TPD52: variants seen among roughly 807,000 people sequenced by gnomAD.
TPD52 encodes the protein tumor protein D52.
Under a neutral mutation model 31.3 loss-of-function variants are expected in TPD52, and 17 were observed. That is an observed-to-expected ratio of 0.54 (90% CI 0.37 to 0.82). The LOEUF (loss-of-function observed/expected upper bound fraction) is 0.82. Among genes scored for constraint, TPD52 ranks in the 40% least tolerant of loss-of-function variants. TPD52 has a pLI of 0.00. For synonymous variants in TPD52, 83 were observed against 89.6 expected (o/e 0.93, Z 0.42); for missense variants, 212 against 240.1 (o/e 0.88, Z 0.77).
At chr8:80,106,945 G>A (rs1309049818) in intron 1 of TPD52, among the ~76,000 whole-genome samples, 4 of 150,688 alleles carry the variant, frequency 2.7e-5, no homozygotes, top group Admixed American at 6.6e-5. Flanking sequence ...TCTGCCTCCC[G>A]GGTTCACACC....
At chr8:80,039,810 T>C (rs1326267169) in intron 7 of TPD52, among the ~76,000 whole-genome samples, 1 of 152,198 alleles carries the variant, frequency 6.6e-6, no homozygotes, top group Non-Finnish European at 1.5e-5. Flanking sequence ...TGGACATTAC[T>C]GAGTCCTCTA....
At chr8:80,167,423 A>G (rs1419801373) in intron 1 of TPD52, among the ~76,000 whole-genome samples, 2 of 152,190 alleles carry the variant, frequency 1.3e-5, no homozygotes, top group African/African-American at 2.4e-5. Flanking sequence ...AATCTTGCTA[A>G]AAGATCACAA....
intron 1 of TPD52, among the ~76,000 whole-genome samples, chr8:80,156,894 T>G (rs975779142): frequency 7.0e-5 from 10 of 143,294 alleles, no homozygotes; most frequent in South Asian, 2.2e-4. Flanking sequence ...TGAAGAGGAG[T>G]GGGGTGGGGT....
chr8:80,104,547 A>C (rs1239374230), intron 1 of TPD52, among the ~76,000 whole-genome samples: 1 of 151,432 alleles, frequency 6.6e-6, no homozygotes, highest in Non-Finnish European at 1.5e-5. Context: ...GGAACAGAGC[A>C]AGACCCCATC....
chr8:80,088,186 TC>T lies in TPD52; in HGVS notation c.20-23594del, dbSNP rs1034837288. On this transcript the variant is annotated intron_variant, in intron 1 of 7. Coordinates refer to ENST00000518937, the MANE Select transcript of TPD52 (RefSeq NM_001025253.3). ...GAGCCGGGCAGTAAGGATAAGCCAG[TC>T]CCTCACATCTAATGGCCCTGGGGAT... Among the ~76,000 whole-genome samples the T allele has an allele frequency of 7.9e-5, 12 of 152,234 alleles. No homozygotes were observed. In the South Asian group the frequency reaches 1.7e-3, roughly 21 times the overall value.
chr8:80,170,588 C>T (rs187385008), intron 1 of TPD52, among the ~76,000 whole-genome samples: 118 of 152,312 alleles, frequency 7.7e-4, no homozygotes, highest in Non-Finnish European at 1.2e-3. Flanking sequence ...ATCCTCACTT[C>T]CCAAGATTAC....
intron 1 of TPD52, among the ~76,000 whole-genome samples, chr8:80,163,658 T>C (rs527534110): frequency 2.0e-4 from 30 of 152,340 alleles, no homozygotes; most frequent in African/African-American, 6.7e-4. Flanking sequence ...TTGACAGTTA[T>C]GTTTTCCAGA....
intron 1 of TPD52, among the ~76,000 whole-genome samples, chr8:80,110,789 T>C (rs1031514943): frequency 2.6e-5 from 4 of 152,128 alleles, no homozygotes; most frequent in African/African-American, 4.8e-5. Flanking sequence ...CTCTAATCAA[T>C]CAAAATTGGT....
rs77756924 is a variant in TPD52 at position 80,050,428 on chromosome 8, G to C, written c.413+17C>G. The C allele has an allele frequency of 0.021, 32,898 of 1,603,986 alleles. 393 individuals are homozygous for C. The highest frequency in any genetic ancestry group is 0.027 in the South Asian group (2,361 of 88,950). On this transcript the variant is annotated intron_variant, in intron 5 of 7. Transcript: ENST00000518937. ...ATACAACTGCTGGACTGCAGTGATG[G>C]TTCAAACTCTCCTTACCTAAAGGAA...
At chr8:80,140,443 A>C (rs546297174) in intron 1 of TPD52, among the ~76,000 whole-genome samples, 2 of 152,338 alleles carry the variant, frequency 1.3e-5, no homozygotes, top group East Asian at 3.9e-4. Context: ...TTTTCCAGGA[A>C]CATTAACTCT....
intron 1 of TPD52, among the ~76,000 whole-genome samples, chr8:80,100,944 C>T (rs1376536910): frequency 3.3e-5 from 5 of 152,180 alleles, no homozygotes; most frequent in African/African-American, 4.8e-5. Context: ...AAATATTTGA[C>T]CAAATGTCTG....
chr8:80,074,456 C>G (rs966088146), intron 1 of TPD52, among the ~76,000 whole-genome samples: 2 of 152,142 alleles, frequency 1.3e-5, no homozygotes, highest in Non-Finnish European at 2.9e-5. Flanking sequence ...TGGTTGTCTT[C>G]GGGAGACCCA....
chr8:80,127,433 A>C (rs575090271), intron 1 of TPD52: 1 of 152,348 alleles, frequency 6.6e-6, no homozygotes, highest in East Asian at 1.9e-4. Context: ...ATGACAAAAA[A>C]TTGACAGGAT....
chr8:80,055,003 T>A (rs1811727674), intron 2 of TPD52, among the ~76,000 whole-genome samples: 1 of 152,208 alleles, frequency 6.6e-6, no homozygotes, highest in African/African-American at 2.4e-5. Context: ...ACAAATAATG[T>A]AGGAACCAGA....
At chr8:80,041,230 G>A (rs1023673047) in intron 7 of TPD52, among the ~76,000 whole-genome samples, 3 of 152,068 alleles carry the variant, frequency 2.0e-5, no homozygotes, top group African/African-American at 7.2e-5. Flanking sequence ...ACCGTGGCAC[G>A]TGTATACCTA....
chr8:80,141,518 C>T (rs185988016), intron 1 of TPD52, among the ~76,000 whole-genome samples: 2 of 152,316 alleles, frequency 1.3e-5, no homozygotes, highest in Admixed American at 1.3e-4. Context: ...CCTGAGATGA[C>T]TGATGCCCCA....
downstream of TPD52, among the ~76,000 whole-genome samples, chr8:80,033,692 A>G (rs1440927542): frequency 6.6e-6 from 1 of 152,168 alleles, no homozygotes; most frequent in African/African-American, 2.4e-5. Flanking sequence ...GGACAACCGT[A>G]GGGTGAGCAA....
intron 1 of TPD52, among the ~76,000 whole-genome samples, chr8:80,150,456 C>G (rs1219811532): frequency 6.6e-6 from 1 of 152,182 alleles, no homozygotes. Flanking sequence ...CCATCATCCT[C>G]CAGATCCCAA....
intron 1 of TPD52, among the ~76,000 whole-genome samples, chr8:80,144,176 G>T (rs559413276): frequency 6.6e-6 from 1 of 152,082 alleles, no homozygotes; most frequent in South Asian, 2.1e-4. Context: ...GTAATATTTT[G>T]TAATATTACA....
Sources: gnomAD v4.1 joint callset for allele counts (sites outside exome capture counted in the v4.1 genomes callset) on GRCh38, gnomAD v4.1.1 for gene constraint, MANE v1.5 for transcripts, NCBI Gene and HGNC (gene_info 2026-07-23, HGNC 2026-07-21) for gene names.